The following AKAP9 variants were observed in gnomAD, a reference collection of about 807,000 sequenced individuals.
AKAP9 encodes A-kinase anchor protein 9.
A neutral mutation model predicts 488.5 loss-of-function variants in AKAP9; 311 were observed. The observed-to-expected ratio is 0.64, with a 90% CI of 0.58 to 0.70. The LOEUF is 0.70. Ranked by LOEUF, AKAP9 falls within the 30% of genes least tolerant of loss-of-function variation. The pLI, the probability that AKAP9 is intolerant of heterozygous loss-of-function variation, is 0.00. For missense variants in AKAP9, 4,215 were observed against 4,374.5 expected (o/e 0.96, Z 1.03); for synonymous variants, 1,462 against 1,483.5 (o/e 0.99, Z 0.33).
chr7:91,955,087 A>G (rs1046560313), intron 1 of AKAP9, among the ~76,000 whole-genome samples: 1 of 152,138 alleles, frequency 6.6e-6, no homozygotes, highest in East Asian at 1.9e-4. Flanking sequence ...TCCTCGTGTT[A>G]TCTTTCTGGA....
Position 92,043,418 on chromosome 7 carries a change from CTTTG to C in AKAP9, c.5162+651_5162+654del, listed in dbSNP as rs986937532. 23 of 751,868 alleles carry C rather than the reference CTTTG, an allele frequency of 3.1e-5. No individual in the cohort carries two copies. In the Admixed American group the frequency reaches 3.1e-4, roughly 10 times the overall value. The allele number at this position is 751,868 out of a possible 1,614,324, so 46.6% of individuals were successfully genotyped here. A position where few individuals can be genotyped will look rare whatever the true frequency, so the allele number is the denominator to read the frequency against. On this transcript the variant is annotated intron_variant, in intron 20 of 49. Coordinates refer to ENST00000356239, the MANE Select transcript of AKAP9 (RefSeq NM_005751.5). ...TTACCACGGCAATATAAAATAAACA[CTTTG>C]TTTATTTTATATTATTTATCTCTAA... is the stretch of plus-strand genomic sequence containing the variant.
intron 45 of AKAP9, 80 bp from the exon 46 acceptor site, chr7:92,102,514 A>G: frequency 8.5e-7 from 1 of 1,173,800 alleles, no homozygotes; most frequent in South Asian, 1.3e-5. Flanking sequence ...ACTACTTGTT[A>G]AAATCTAGGT....
rs531887446 is a variant in AKAP9 at position 91,945,995 on chromosome 7, AACT to A, written c.48+4852_48+4854del. Among the ~76,000 whole-genome samples, 10 of 152,370 alleles carry A rather than the reference AACT, an allele frequency of 6.6e-5. No homozygotes were observed. In the East Asian group the frequency reaches 1.7e-3, roughly 26 times the overall value. On this transcript the variant is annotated intron_variant, in intron 1 of 49. Coordinates refer to ENST00000356239, the MANE Select transcript of AKAP9 (RefSeq NM_005751.5). ...CATTATTTGCTGAATAATTATAAAA[AACT>A]ACTGTCTATTATATTCAGTAATTTG...
In AKAP9 at chr7:92,086,282, C is replaced by G; in HGVS notation, c.9079C>G (p.Leu3027Val). The G allele has an allele frequency of 1.9e-6, 3 of 1,614,142 alleles. No individual in the cohort carries two copies. The highest frequency in any genetic ancestry group is 2.5e-6 in the Non-Finnish European group (3 of 1,180,004). The change falls in exon 37 of 50, where the codon CTG becomes GTG. Residue 3027 changes from leucine to valine, a missense_variant. Physicochemically the swap from Leu to Val is conservative, Grantham distance 32. Around this residue, in one of 5 missense-constraint regions of AKAP9, gnomAD observed 1,476 missense variants for 1,477.4 expected, o/e 1.00. Transcript: ENST00000356239. ...ESFSDWRGEL[L>V]LALQQVFLEE... Reference sequence around the variant, plus strand: ...CTTCTCAGACTGGCGAGGTGAACTACTGCTTGCCCTTCAACAAGTTTTCTT... The same window carrying G: ...CTTCTCAGACTGGCGAGGTGAACTAGTGCTTGCCCTTCAACAAGTTTTCTT...
chr7:92,016,375 C>A, intron 11 of AKAP9, 108 bp downstream of exon 11: 1 of 790,334 alleles, frequency 1.3e-6, no homozygotes, highest in Non-Finnish European at 1.9e-6. Flanking sequence ...AGTTGTTTTT[C>A]ATCTTAACAT....
At chr7:92,005,522 C>A (rs1225039470) in intron 8 of AKAP9, among the ~76,000 whole-genome samples, 1 of 152,058 alleles carries the variant, frequency 6.6e-6, no homozygotes, top group Non-Finnish European at 1.5e-5. Flanking sequence ...AAAGTTTTCT[C>A]TTTTTATTCC....
chr7:92,090,841 T>G (rs1207905325), intron 38 of AKAP9, among the ~76,000 whole-genome samples: 1 of 152,220 alleles, frequency 6.6e-6, no homozygotes, highest in Non-Finnish European at 1.5e-5. Context: ...AATGCCTATC[T>G]TAGATAAGGT....
In AKAP9 at chr7:92,038,767, C is replaced by A; in HGVS notation, c.4687C>A (p.Gln1563Lys). The part of the protein sequence containing the change: ...FSKDKTFIVR[Q>K]SIHDEISVSS... ...CAAAGATAAAACATTTATAGTTAGA[C>A]AGTCTGTAAGTATGCCTCCTTGAAT... Residue 1563 changes from glutamine (Q) to lysine (K), a missense_variant, in exon 17 of 50, where the codon CAG becomes AAG. Physicochemically the swap from Gln to Lys is moderately conservative, Grantham distance 53. Coordinates refer to ENST00000356239, the MANE Select transcript of AKAP9 (RefSeq NM_005751.5). The A allele has an allele frequency of 6.3e-7, 1 of 1,596,910 alleles. No individual in the cohort carries two copies. Among genetic ancestry groups the A allele is most frequent in the Non-Finnish European group, 8.6e-7 (1 of 1,168,912 alleles).
intron 22 of AKAP9, among the ~76,000 whole-genome samples, chr7:92,059,747 G>A (rs904709223): frequency 2.0e-5 from 3 of 151,578 alleles, no homozygotes; most frequent in Non-Finnish European, 4.4e-5. Context: ...TTAAAATATG[G>A]ATTGTGACTG....
intron 1 of AKAP9, among the ~76,000 whole-genome samples, chr7:91,973,184 T>C (rs1795293876): frequency 6.6e-6 from 1 of 152,136 alleles, no homozygotes; most frequent in Non-Finnish European, 1.5e-5. Flanking sequence ...AAGACCAGCC[T>C]GGGCAACGTG....
chr7:92,051,792 C>T (rs1188739954), intron 21 of AKAP9, among the ~76,000 whole-genome samples: 2 of 152,146 alleles, frequency 1.3e-5, no homozygotes, highest in South Asian at 4.1e-4. Context: ...TAACTTTGTA[C>T]AGTTACTGAT....
At chr7:92,103,644 G>C (rs1414853891) in intron 46 of AKAP9, among the ~76,000 whole-genome samples, 1 of 150,014 alleles carries the variant, frequency 6.7e-6, no homozygotes, top group Middle Eastern at 3.2e-3. Context: ...GCAGTGAGCT[G>C]AGATCGCGCC....
At chr7:92,075,288 AAAT>A (rs1249442994) in intron 28 of AKAP9, among the ~76,000 whole-genome samples, 4 of 152,258 alleles carry the variant, frequency 2.6e-5, no homozygotes, top group Non-Finnish European at 4.4e-5. Context: ...ATTTGAACTT[AAAT>A]AACTATTTAT....
At chr7:92,024,912 G>A (rs1332853465) in intron 14 of AKAP9, among the ~76,000 whole-genome samples, 1 of 152,110 alleles carries the variant, frequency 6.6e-6, no homozygotes, top group East Asian at 1.9e-4. Flanking sequence ...GCCTTATAAA[G>A]CTTCCATTTT....
intron 27 of AKAP9, among the ~76,000 whole-genome samples, chr7:92,070,649 G>A (rs1222667546): frequency 6.6e-6 from 1 of 151,850 alleles, no homozygotes; most frequent in East Asian, 1.9e-4. Flanking sequence ...TGATCAGACT[G>A]GTCTCAAAAT....
intron 21 of AKAP9, among the ~76,000 whole-genome samples, chr7:92,050,090 A>T (rs892076882): frequency 9.1e-6 from 1 of 110,440 alleles, no homozygotes; most frequent in Admixed American, 1.0e-4. Flanking sequence ...TTTGAGACGG[A>T]GTTTTGCTCT....
chr7:92,016,921 A>T, intron 11 of AKAP9, 96 bp from the exon 12 acceptor site: 1 of 973,218 alleles, frequency 1.0e-6, no homozygotes, highest in Non-Finnish European at 1.6e-6. Flanking sequence ...CTAGCAGGCA[A>T]TTTTTTTAAG....
In AKAP9 at chr7:92,097,777, C is replaced by T. The variant is rs1426083577; in HGVS notation, c.10590C>T (p.Pro3530=). 1 of 1,613,982 alleles carries T rather than the reference C, an allele frequency of 6.2e-7. No homozygotes were observed. The highest frequency in any genetic ancestry group is 1.3e-5 in the African/African-American group (1 of 74,902). ...QCVASKLQVL[P]QKASERLQFE... ...TAGCTTCAAAACTACAGGTTCTACC[C>T]CAGAAAGCCTCTGAGAGGTTAGACT... Residue 3530 remains proline, a synonymous_variant, in exon 42 of 50, where the codon CCC becomes CCT. Transcript: ENST00000356239.
intron 1 of AKAP9, among the ~76,000 whole-genome samples, chr7:91,957,585 CT>C (rs1187612882): frequency 2.0e-5 from 3 of 152,102 alleles, no homozygotes; most frequent in Non-Finnish European, 4.4e-5. Flanking sequence ...ATAAACAACC[CT>C]TTCATATTTT....
Sources: allele counts gnomAD v4.1 joint callset (sites outside exome capture counted in the v4.1 genomes callset), GRCh38; gene constraint gnomAD v4.1.1; regional missense constraint gnomAD v4.1.1; transcripts MANE v1.5; gene names NCBI Gene and HGNC (gene_info 2026-07-23, HGNC 2026-07-21).